FHOD3: variants seen among roughly 807,000 people sequenced by gnomAD.
The protein encoded by FHOD3 is formin homology 2 domain containing 3, also known as FH1/FH2 domain-containing protein 3.
In FHOD3, 90 loss-of-function variants were observed where a neutral mutation model predicts 173.0. The ratio of observed to expected loss-of-function variants is 0.52; its 90% CI spans 0.44 to 0.62. The LOEUF is 0.62. Among genes scored for constraint, FHOD3 ranks in the 20% least tolerant of loss-of-function variants. FHOD3 has a pLI of 0.00. For synonymous variants in FHOD3, 828 were observed against 823.0 expected (o/e 1.01, Z -0.10); for missense variants, 1,945 against 2,034.7 (o/e 0.96, Z 0.85).
At chr18:36,463,328 T>G (rs1271374186) in intron 3 of FHOD3, among the ~76,000 whole-genome samples, 8 of 148,162 alleles carry the variant, frequency 5.4e-5, no homozygotes, top group African/African-American at 1.7e-4. Context: ...ATATATATTT[T>G]TATTTAAAAA....
At chr18:36,549,704 ATTT>A (rs566130762) in intron 5 of FHOD3, among the ~76,000 whole-genome samples, 5 of 129,438 alleles carry the variant, frequency 3.9e-5, no homozygotes, top group African/African-American at 8.6e-5. Context: ...TGCCTGGCTA[ATTT>A]TTTTTTTTTT....
intron 9 of FHOD3, among the ~76,000 whole-genome samples, chr18:36,615,762 G>A (rs2033140182): frequency 6.6e-6 from 1 of 152,206 alleles, no homozygotes; most frequent in Admixed American, 6.5e-5. Flanking sequence ...CTCTAGGGAA[G>A]ATATTTTCCA....
intron 20 of FHOD3, among the ~76,000 whole-genome samples, chr18:36,735,072 A>G (rs1170434106): frequency 2.0e-5 from 3 of 152,204 alleles, no homozygotes; most frequent in Non-Finnish European, 4.4e-5. Flanking sequence ...CATAAATGGA[A>G]GTATGACGAT....
chr18:36,709,508 C>T (rs2040055109), intron 18 of FHOD3, 117 bp downstream of exon 18: 2 of 1,131,258 alleles, frequency 1.8e-6, no homozygotes, highest in African/African-American at 1.6e-5. Flanking sequence ...TCAACCCACT[C>T]ATGTGGCTGT....
chr18:36,770,399 G>C (rs1010915125), intron 28 of FHOD3, among the ~76,000 whole-genome samples: 2 of 152,212 alleles, frequency 1.3e-5, no homozygotes, highest in Non-Finnish European at 2.9e-5. Flanking sequence ...GGTGACCAGG[G>C]TGTGGCCTGT....
intron 3 of FHOD3, among the ~76,000 whole-genome samples, chr18:36,465,373 G>A (rs1446681198): frequency 6.6e-6 from 1 of 152,162 alleles, no homozygotes; most frequent in Non-Finnish European, 1.5e-5. Context: ...AGGAGCACAA[G>A]CAATGATGTT....
chr18:36,469,776 G>A (rs1438586088), intron 3 of FHOD3, among the ~76,000 whole-genome samples: 2 of 152,092 alleles, frequency 1.3e-5, no homozygotes, highest in African/African-American at 4.8e-5. Context: ...TTCCGGAGTT[G>A]TGGGCGCTAG....
intron 19 of FHOD3, among the ~76,000 whole-genome samples, chr18:36,719,036 T>C (rs2040617896): frequency 6.6e-6 from 1 of 152,208 alleles, no homozygotes; most frequent in East Asian, 1.9e-4. Context: ...ATATTGATGT[T>C]AACTAGAGAA....
At chr18:36,482,858 C>CACACACAGAGAGAG (rs1400178557) in intron 3 of FHOD3, among the ~76,000 whole-genome samples, 7 of 130,458 alleles carry the variant, frequency 5.4e-5, no homozygotes, top group African/African-American at 2.2e-4. Context: ...CACACACACA[C>CACACACAGAGAGAG]AGAGAGAGAG....
At chr18:36,779,093 G>A (rs1053995239) in intron 28 of FHOD3, 29 of 261,850 alleles carry the variant, frequency 1.1e-4, no homozygotes, top group African/African-American at 5.9e-4. Context: ...GGTAGATGCT[G>A]AGGTCTCTCC....
intron 3 of FHOD3, among the ~76,000 whole-genome samples, chr18:36,485,043 G>A (rs912828176): frequency 1.3e-5 from 2 of 152,174 alleles, no homozygotes; most frequent in South Asian, 4.1e-4. Context: ...ACAATGATCT[G>A]GGAAGGAGTT....
intron 1 of FHOD3, among the ~76,000 whole-genome samples, chr18:36,314,117 A>G (rs1342849374): frequency 6.6e-6 from 1 of 152,168 alleles, no homozygotes; most frequent in African/African-American, 2.4e-5. Flanking sequence ...ACTGCCCACA[A>G]AAAAGATCAT....
intron 3 of FHOD3, among the ~76,000 whole-genome samples, chr18:36,401,041 C>T (rs2048786026): frequency 6.6e-6 from 1 of 152,082 alleles, no homozygotes; most frequent in Admixed American, 6.6e-5. Flanking sequence ...TTCCAGGGAG[C>T]CACTGGACAC....
At chr18:36,452,615 C>A (rs1233688056) in intron 3 of FHOD3, among the ~76,000 whole-genome samples, 3 of 151,940 alleles carry the variant, frequency 2.0e-5, no homozygotes, top group Non-Finnish European at 4.4e-5. Context: ...TGCCTTCCAG[C>A]CCCTGGCAGC....
intron 19 of FHOD3, among the ~76,000 whole-genome samples, chr18:36,726,425 C>A (rs1039605727): frequency 7.9e-5 from 12 of 152,126 alleles, no homozygotes; most frequent in African/African-American, 2.9e-4. Context: ...GGCATTGCTT[C>A]CTCTCCTGTT....
intron 10 of FHOD3, among the ~76,000 whole-genome samples, chr18:36,641,721 C>G (rs555892277): frequency 2.0e-5 from 3 of 151,950 alleles, no homozygotes; most frequent in Non-Finnish European, 4.4e-5. Flanking sequence ...TTTGGGAGGC[C>G]GAGATGGGTG....
chr18:36,433,603 G>T (rs868264415), intron 3 of FHOD3, among the ~76,000 whole-genome samples: 1 of 152,266 alleles, frequency 6.6e-6, no homozygotes, highest in Middle Eastern at 3.4e-3. Context: ...AGAACTGTAC[G>T]TATCACAGCA....
intron 10 of FHOD3, among the ~76,000 whole-genome samples, chr18:36,627,607 A>C (rs1343730263): frequency 6.6e-6 from 1 of 152,246 alleles, no homozygotes; most frequent in East Asian, 1.9e-4. Flanking sequence ...GTAGCATTTG[A>C]GCAAAATATA....
chr18:36,435,221 A>T (rs2050751305), intron 3 of FHOD3, among the ~76,000 whole-genome samples: 1 of 151,876 alleles, frequency 6.6e-6, no homozygotes, highest in Non-Finnish European at 1.5e-5. Context: ...TATTAGTTAT[A>T]CCTGGAAGTA....
Sources: allele counts gnomAD v4.1 joint callset (sites outside exome capture counted in the v4.1 genomes callset), GRCh38; gene constraint gnomAD v4.1.1; transcripts MANE v1.5; gene names NCBI Gene and HGNC (gene_info 2026-07-23, HGNC 2026-07-21).